The following ZC3H12C variants were observed in gnomAD, a reference collection of about 807,000 sequenced individuals.
ZC3H12C encodes the protein probable ribonuclease ZC3H12C.
ZC3H12C carries 20 observed loss-of-function variants against 76.3 expected under a neutral mutation model. That is an observed-to-expected ratio of 0.26 (90% CI 0.18 to 0.38). ZC3H12C has a LOEUF of 0.38. Among genes scored for constraint, ZC3H12C ranks in the 10% least tolerant of loss-of-function variants. ZC3H12C has a pLI of 1.00. For synonymous variants in ZC3H12C, 352 were observed against 399.6 expected, an observed-to-expected ratio of 0.88 and a Z score of 1.42; for missense variants, 874 against 1,086.5, an observed-to-expected ratio of 0.80 and a Z score of 2.75.
intron 1 of ZC3H12C, among the ~76,000 whole-genome samples, chr11:110,129,820 AT>A (rs36100559): frequency 0.048 from 7,301 of 150,830 alleles, 524 homozygotes; most frequent in Admixed American, 0.18. Flanking sequence ...ATTTTGATTG[AT>A]TTTTTTTTTT....
rs1373568207 is a variant in ZC3H12C, at chr11:110,166,552, A to G, written c.*815A>G. 1.3e-5 allele frequency: 2 copies of G among 152,206 alleles called. No individual in the cohort carries two copies. The highest frequency in any genetic ancestry group is 2.9e-5 in the Non-Finnish European group (2 of 68,018). The allele number at this position is 152,206 out of a possible 1,614,324, so 9.4% of individuals were successfully genotyped here. A position where few individuals can be genotyped will look rare whatever the true frequency, so the allele number is the denominator to read the frequency against. The stretch of plus-strand genomic sequence containing the variant: ...CAGGTTAGAGCTTTGTTATCCAGCT[A>G]TGATGTGCTTCTTGACAGTAGAAGT... On this transcript the variant is annotated 3_prime_UTR_variant, in exon 6 of 6. Coordinates refer to ENST00000278590, the MANE Select transcript of ZC3H12C (RefSeq NM_033390.2).
At chr11:110,113,867 A>G (rs1294527769) in intron 1 of ZC3H12C, among the ~76,000 whole-genome samples, 1 of 152,182 alleles carries the variant, frequency 6.6e-6, no homozygotes, top group East Asian at 1.9e-4. Context: ...CTATTATAAG[A>G]CCTTCCTAAA....
chr11:110,143,306 G>A (rs1180175419), intron 2 of ZC3H12C, among the ~76,000 whole-genome samples: 2 of 152,076 alleles, frequency 1.3e-5, no homozygotes, highest in African/African-American at 4.8e-5. Flanking sequence ...AGATGTAAGA[G>A]AATTTAACAA....
At chr11:110,121,685 A>G (rs1861653638) in intron 1 of ZC3H12C, among the ~76,000 whole-genome samples, 1 of 152,174 alleles carries the variant, frequency 6.6e-6, no homozygotes, top group Non-Finnish European at 1.5e-5. Flanking sequence ...GTGTGAGGCC[A>G]TTGGAAATTA....
chr11:110,122,948 A>G (rs1861676526), intron 1 of ZC3H12C, among the ~76,000 whole-genome samples: 1 of 152,206 alleles, frequency 6.6e-6, no homozygotes, highest in Admixed American at 6.5e-5. Flanking sequence ...GTGTGGATAC[A>G]CTGGACAAAG....
intron 1 of ZC3H12C, among the ~76,000 whole-genome samples, chr11:110,104,393 G>A (rs1861280654): frequency 2.6e-5 from 4 of 152,168 alleles, no homozygotes; most frequent in Admixed American, 6.5e-5. Flanking sequence ...TCATGTTAGT[G>A]ATTTGGGGTC....
chr11:110,094,224 G>T (rs922781972), intron 1 of ZC3H12C, among the ~76,000 whole-genome samples: 1 of 152,152 alleles, frequency 6.6e-6, no homozygotes, highest in Non-Finnish European at 1.5e-5. Flanking sequence ...TTTGTGTTCG[G>T]TGTTTTGTGA....
chr11:110,149,182 G>T (rs1862222887), intron 2 of ZC3H12C, among the ~76,000 whole-genome samples: 1 of 152,176 alleles, frequency 6.6e-6, no homozygotes, highest in African/African-American at 2.4e-5. Flanking sequence ...AGCGATTCTA[G>T]AGATTTCTCA....
chr11:110,136,573 A>G, intron 1 of ZC3H12C, 90 bp from the exon 2 acceptor site: 1 of 1,380,154 alleles, frequency 7.2e-7, no homozygotes, highest in Non-Finnish European at 9.9e-7. Context: ...AAGTATTTTG[A>G]GTAGTTGAGT....
intron 1 of ZC3H12C, among the ~76,000 whole-genome samples, chr11:110,119,381 TC>T (rs1478324986): frequency 1.2e-5 from 1 of 84,248 alleles, no homozygotes; most frequent in African/African-American, 7.8e-5. Flanking sequence ...AATCTCAGAC[TC>T]CATTCCAGAC....
At chr11:110,104,074 C>A (rs1234499147) in intron 1 of ZC3H12C, among the ~76,000 whole-genome samples, 1 of 150,354 alleles carries the variant, frequency 6.7e-6, no homozygotes, top group Admixed American at 6.6e-5. Context: ...TAATCTGTTA[C>A]CCAGGCTGGA....
rs746007112 is a variant in ZC3H12C at position 110,152,991 on chromosome 11, C to A, written c.846C>A (p.His282Gln). 1.2e-6 allele frequency: 2 copies of A among 1,612,068 alleles called. No individual in the cohort carries two copies. The highest frequency in any genetic ancestry group is 1.7e-6 in the Non-Finnish European group (2 of 1,179,038). Residue 282 changes from histidine (H) to glutamine (Q), a missense_variant, in exon 3 of 6, where the codon CAC becomes CAA. Physicochemically the swap from His to Gln is conservative, Grantham distance 24. Coordinates refer to ENST00000278590, the MANE Select transcript of ZC3H12C (RefSeq NM_033390.2). ...TGGATTGGTTTTTGGAAAGAGGCCA[C>A]AAAGACATTACAGTTTTTGTTCCTG... ...LAVDWFLERG[H>Q]KDITVFVPAW...
In ZC3H12C at chr11:110,164,246, C is replaced by G. The variant is rs1218052874; in HGVS notation, c.1256-95C>G. 2 of 1,120,280 alleles carry G rather than the reference C, an allele frequency of 1.8e-6. No homozygotes were observed. The highest frequency in any genetic ancestry group is 1.2e-6 in the Non-Finnish European group (1 of 808,164). 69.4% of individuals were successfully genotyped at this position (1,120,280 alleles called of 1,614,324 possible). A position where few individuals can be genotyped will look rare whatever the true frequency, so the allele number is the denominator to read the frequency against. On this transcript the variant is annotated intron_variant, in intron 5 of 5. Transcript: ENST00000278590. The surrounding 1 kb of genome is among the most constrained non-coding windows in gnomAD (Gnocchi z 5.7). Reference sequence around the variant, plus strand: ...CACTTAGCACAGCTCCCATTTCTATCGTTGTCTCTTCTACAAGTTAAAATC... The same window carrying G: ...CACTTAGCACAGCTCCCATTTCTATGGTTGTCTCTTCTACAAGTTAAAATC...
rs1247275375 is a variant in ZC3H12C, at chr11:110,093,447, AG to A, written c.21+20del. Reference sequence around the variant, plus strand: ...GCGGCTCCCAGGTTTGTCCTCGGGAAGGGGGTGGGGGACGCGGACCGCGGCG... The same window carrying A: ...GCGGCTCCCAGGTTTGTCCTCGGGAAGGGGTGGGGGACGCGGACCGCGGCG... On this transcript the variant is annotated intron_variant, in intron 1 of 5. Transcript: ENST00000278590. 8.6e-7 allele frequency: 1 copy of A among 1,168,572 alleles called. No homozygotes were observed. 72.4% of individuals were successfully genotyped at this position (1,168,572 alleles called of 1,614,324 possible).
chr11:110,164,770 T>C lies in ZC3H12C; in HGVS notation c.1685T>C (p.Met562Thr), dbSNP rs1216204609. ...DQRPQGQYPS[M>T]MMATKNHGTP... Reference sequence around the variant, plus strand: ...AGACCACAGGGACAATATCCTTCAATGATGATGGCAACCAAAAATCATGGA... The same window carrying C: ...AGACCACAGGGACAATATCCTTCAACGATGATGGCAACCAAAAATCATGGA... The change falls in exon 6 of 6, where the codon ATG becomes ACG. Residue 562 changes from methionine (M) to threonine (T), a missense_variant. Transcript: ENST00000278590. The surrounding 1 kb of genome is among the most constrained non-coding windows in gnomAD (Gnocchi z 5.7). The C allele has an allele frequency of 6.2e-7, 1 of 1,614,032 alleles. No individual in the cohort carries two copies. Among genetic ancestry groups the C allele is most frequent in the Admixed American group, 1.7e-5 (1 of 60,036 alleles).
intron 1 of ZC3H12C, among the ~76,000 whole-genome samples, chr11:110,126,262 T>G (rs1030795640): frequency 9.0e-5 from 13 of 144,226 alleles, no homozygotes; most frequent in African/African-American, 3.1e-4. Context: ...CTCACTCTGT[T>G]GCCCAGGCTG....
chr11:110,132,941 A>T (rs901872180), intron 1 of ZC3H12C, among the ~76,000 whole-genome samples: 1 of 152,184 alleles, frequency 6.6e-6, no homozygotes, highest in Non-Finnish European at 1.5e-5. Flanking sequence ...TTTAAAAGTT[A>T]TATTAATCAT....
intron 2 of ZC3H12C, among the ~76,000 whole-genome samples, chr11:110,138,629 C>T (rs1244195797): frequency 2.8e-4 from 42 of 151,514 alleles, no homozygotes; most frequent in Admixed American, 2.7e-3. Flanking sequence ...ACCATCTTGG[C>T]TCACTGCAAC....
intron 1 of ZC3H12C, among the ~76,000 whole-genome samples, chr11:110,114,802 TATC>T (rs1292539756): frequency 1.3e-5 from 2 of 152,222 alleles, no homozygotes; most frequent in African/African-American, 4.8e-5. Flanking sequence ...CATTCACAAG[TATC>T]ATTTTTTTAC....
Sources: allele counts gnomAD v4.1 joint callset (sites outside exome capture counted in the v4.1 genomes callset), GRCh38; gene constraint gnomAD v4.1.1; non-coding constraint Gnocchi (gnomAD v3.1); transcripts MANE v1.5; gene names NCBI Gene and HGNC (gene_info 2026-07-23, HGNC 2026-07-21).